PI4KA: variants seen among roughly 807,000 people sequenced by gnomAD.
PI4KA encodes PI4-kinase alpha.
Under a neutral mutation model 271.4 loss-of-function variants are expected in PI4KA, and 122 were observed. The ratio of observed to expected loss-of-function variants is 0.45; its 90% confidence interval spans 0.39 to 0.52. The LOEUF is 0.52. PI4KA is among the 20% of genes least tolerant of loss of function. PI4KA has a pLI of 0.00. For missense variants in PI4KA, 1,969 were observed against 2,769.1 expected, an observed-to-expected ratio of 0.71 and a Z score of 6.48; for synonymous variants, 1,041 against 1,078.8, an observed-to-expected ratio of 0.96 and a Z score of 0.69.
chr22:20,769,700 A>G (rs1458691588), intron 19 of PI4KA, among the ~76,000 whole-genome samples: 1 of 152,000 alleles, frequency 6.6e-6, no homozygotes, highest in Non-Finnish European at 1.5e-5. Flanking sequence ...TCAGGGGGGA[A>G]GTGGGAAGAC....
chr22:20,757,655 T>C (rs1235944941), intron 23 of PI4KA, among the ~76,000 whole-genome samples: 2 of 152,110 alleles, frequency 1.3e-5, no homozygotes, highest in Admixed American at 6.6e-5. Context: ...GTGATTCTCC[T>C]GCCTTGGCCT....
chr22:20,716,038 C>T (rs1042301739), intron 45 of PI4KA, among the ~76,000 whole-genome samples: 24 of 151,814 alleles, frequency 1.6e-4, no homozygotes, highest in Admixed American at 9.8e-4. Flanking sequence ...TACAGGCACG[C>T]GCCACCATGC....
intron 17 of PI4KA, 49 bp downstream of exon 17, chr22:20,798,535 G>GT: frequency 9.0e-7 from 1 of 1,107,366 alleles, no homozygotes; most frequent in Non-Finnish European, 1.4e-6. Flanking sequence ...CATTTTTAAA[G>GT]TAAGTTAAAT....
rs370645462 is a variant in PI4KA at position 20,718,687 on chromosome 22, A to G, written c.5246+6T>C. On this transcript the variant is annotated splice_donor_region_variant and intron_variant, in intron 44 of 54. Transcript: ENST00000255882. ...CAGAAGGTGGTTTCTGAAGCACTGC[A>G]CTTACTTGATGATAGCCGACACGTT... The G allele has an allele frequency of 1.2e-6, 2 of 1,613,118 alleles. No individual in the cohort carries two copies. The highest frequency in any genetic ancestry group is 4.5e-5 in the East Asian group (2 of 44,888).
At chr22:20,848,052 A>C (rs1926488933) in intron 1 of PI4KA, among the ~76,000 whole-genome samples, 1 of 152,138 alleles carries the variant, frequency 6.6e-6, no homozygotes, top group Admixed American at 6.5e-5. Flanking sequence ...AGCCTGGCCA[A>C]CATGGCAAAA....
intron 19 of PI4KA, chr22:20,779,900 G>C (rs779787852): frequency 6.2e-7 from 1 of 1,614,024 alleles, no homozygotes; most frequent in Admixed American, 1.7e-5. Context: ...ATGAAATCAC[G>C]ACCATTCATA....
At chr22:20,838,527 C>T (rs557584944) in intron 2 of PI4KA, 88 bp downstream of exon 2, 1 of 775,980 alleles carries the variant, frequency 1.3e-6, no homozygotes, top group East Asian at 2.5e-5. Context: ...TCTACTATTG[C>T]TTTAGGTAAA....
intron 41 of PI4KA, 91 bp downstream of exon 41, chr22:20,727,139 C>T (rs1271314332): frequency 1.6e-6 from 2 of 1,223,258 alleles, no homozygotes; most frequent in Non-Finnish European, 2.3e-6. Context: ...GGGGCGACCT[C>T]ATGGCCAATG....
intron 25 of PI4KA, among the ~76,000 whole-genome samples, chr22:20,752,357 A>T (rs1230703439): frequency 6.6e-6 from 1 of 152,212 alleles, no homozygotes; most frequent in Non-Finnish European, 1.5e-5. Flanking sequence ...GAACCACTGG[A>T]TACCTCTGGG....
chr22:20,727,935 G>T (rs1452096673), intron 39 of PI4KA, 71 bp from the exon 40 acceptor site: 2 of 1,144,464 alleles, frequency 1.7e-6, no homozygotes, highest in Admixed American at 2.0e-5. Flanking sequence ...ACACTGGAGT[G>T]AGGGGAGCCA....
chr22:20,752,790 T>C (rs1930848551), intron 25 of PI4KA, 113 bp downstream of exon 25: 3 of 1,171,906 alleles, frequency 2.6e-6, no homozygotes, highest in East Asian at 2.3e-5. Flanking sequence ...GGAGTTTTCA[T>C]TCTGACTCCA....
intron 1 of PI4KA, among the ~76,000 whole-genome samples, chr22:20,841,106 C>T (rs1297032284): frequency 2.0e-5 from 3 of 152,174 alleles, no homozygotes; most frequent in Non-Finnish European, 4.4e-5. Context: ...TCTCGAACTC[C>T]TTATCTCAGG....
At chr22:20,796,816 A>AG (rs1254134194) in intron 17 of PI4KA, among the ~76,000 whole-genome samples, 1 of 152,368 alleles carries the variant, frequency 6.6e-6, no homozygotes, top group African/African-American at 2.4e-5. Context: ...TCCAATGCTC[A>AG]GCAAGTGTTC....
intron 28 of PI4KA, among the ~76,000 whole-genome samples, chr22:20,748,447 A>C (rs1294651815): frequency 6.6e-6 from 1 of 152,174 alleles, no homozygotes; most frequent in African/African-American, 2.4e-5. Flanking sequence ...GAAGAACAAC[A>C]CCTGTGTCCA....
Position 20,858,779 on chromosome 22 carries a change from G to C in PI4KA, c.-54C>G. 7.3e-7 allele frequency: 1 copy of C among 1,365,984 alleles called. No individual in the cohort carries two copies. Among genetic ancestry groups the C allele is most frequent in the Non-Finnish European group, 9.5e-7 (1 of 1,055,586 alleles). 84.6% of individuals were successfully genotyped at this position (1,365,984 alleles called of 1,614,324 possible). A position where few individuals can be genotyped will look rare whatever the true frequency, so the allele number is the denominator to read the frequency against. ...GGCTCCCCGCTCCTGGCCCGCGAGC[G>C]CCCGACCTCAGGGCGCAGGCGTAGG... On this transcript the variant is annotated 5_prime_UTR_variant, in exon 1 of 55. Transcript: ENST00000255882.
chr22:20,769,531 TG>T (rs1171996377), intron 19 of PI4KA, among the ~76,000 whole-genome samples: 3 of 151,936 alleles, frequency 2.0e-5, no homozygotes, highest in Non-Finnish European at 4.4e-5. Context: ...TAGCCAGGCG[TG>T]GTGGCACACA....
chr22:20,760,553 A>C (rs1459047926), intron 23 of PI4KA, among the ~76,000 whole-genome samples: 1 of 152,216 alleles, frequency 6.6e-6, no homozygotes, highest in African/African-American at 2.4e-5. Flanking sequence ...CACAGGTCTT[A>C]TGTGCTCAAT....
intron 1 of PI4KA, among the ~76,000 whole-genome samples, chr22:20,850,007 GTTTCT>G (rs1388126024): frequency 2.6e-5 from 4 of 152,184 alleles, no homozygotes; most frequent in African/African-American, 7.2e-5. Context: ...TAACAGCAAG[GTTTCT>G]TTTGAGGGCA....
chr22:20,807,348 C>CA lies in PI4KA; in HGVS notation c.1168+13dup. The CA allele has an allele frequency of 3.2e-6, 5 of 1,551,312 alleles. No individual in the cohort carries two copies. The highest frequency in any genetic ancestry group is 4.5e-6 in the Non-Finnish European group (5 of 1,122,928). The stretch of plus-strand genomic sequence containing the variant: ...CTTGCTGTACTCACAAACACATGGG[C>CA]AAACTGTCCTCACCCTTCATGTAGT... On this transcript the variant is annotated intron_variant, in intron 10 of 54. Coordinates refer to ENST00000255882, the MANE Select transcript of PI4KA (RefSeq NM_058004.4).
Sources: allele counts gnomAD v4.1 joint callset (sites outside exome capture counted in the v4.1 genomes callset), GRCh38; gene constraint gnomAD v4.1.1; transcripts MANE v1.5; gene names NCBI Gene and HGNC (gene_info 2026-07-23, HGNC 2026-07-21).